The following DNAH2 variants were observed in gnomAD, a reference collection of about 807,000 sequenced individuals.
DNAH2 encodes dynein axonemal heavy chain 2.
A neutral mutation model predicts 523.5 loss-of-function variants in DNAH2; 323 were observed. That is an observed-to-expected ratio of 0.62 (90% confidence interval 0.56 to 0.68). DNAH2 has a LOEUF of 0.68. DNAH2 is among the 30% of genes least tolerant of loss of function. DNAH2 has a pLI of 0.00. For missense variants in DNAH2, 4,907 were observed against 5,701.5 expected (o/e 0.86, Z 4.49); for synonymous variants, 2,093 against 2,177.4 (o/e 0.96, Z 1.08).
In DNAH2 at chr17:7,780,061, G is replaced by A. The variant is rs2076561630; in HGVS notation, c.5723-96G>A. 1.3e-6 allele frequency: 2 copies of A among 1,490,990 alleles called. No individual in the cohort carries two copies. Among genetic ancestry groups the A allele is most frequent in the Non-Finnish European group, 1.8e-6 (2 of 1,098,472 alleles). 92.4% of individuals were successfully genotyped at this position (1,490,990 alleles called of 1,614,324 possible). ...GGAGAGAAAGTTAGGGATGGAGTTAGGGTGGGAGAAAATGAGACTGATTGG... is the reference window on the plus strand; with the variant it reads ...GGAGAGAAAGTTAGGGATGGAGTTAAGGTGGGAGAAAATGAGACTGATTGG... On this transcript the variant is annotated intron_variant, in intron 36 of 85. Transcript: ENST00000572933. This position sits in a 1 kb window ranked among gnomAD's most constrained non-coding sequence, Gnocchi z 4.4.
chr17:7,738,067 C>G lies in DNAH2; in HGVS notation c.1170+809C>G, dbSNP rs1374198769. ...AGGAGGACCTGCAAGGCTGCATTCTCTGTTGTCACGCTTGGAAAGATCACT... is the reference window on the plus strand; with the variant it reads ...AGGAGGACCTGCAAGGCTGCATTCTGTGTTGTCACGCTTGGAAAGATCACT... On this transcript the variant is annotated intron_variant, in intron 8 of 85. Transcript: ENST00000572933. 1.0e-5 allele frequency: 7 copies of G among 703,492 alleles called. 1 individual carries two copies. In the Middle Eastern group the frequency reaches 6.8e-4, roughly 69 times the overall value. The allele number at this position is 703,492 out of a possible 1,614,324, so 43.6% of individuals were successfully genotyped here. A position where few individuals can be genotyped will look rare whatever the true frequency, so the allele number is the denominator to read the frequency against.
chr17:7,819,263 A>G lies in DNAH2; in HGVS notation c.10870A>G (p.Met3624Val). Reference sequence around the variant, plus strand: ...AATCCTGTTCTTCGTGCTCAATGATATGGGCTGCATCGACCCCATGTACCA... The same window carrying G: ...AATCCTGTTCTTCGTGCTCAATGATGTGGGCTGCATCGACCCCATGTACCA... ...ASILFFVLND[M>V]GCIDPMYQFS... Residue 3624 changes from methionine (M) to valine (V), a missense_variant, in exon 72 of 86, where the codon ATG becomes GTG. This residue lies in a region of DNAH2 where 1,851 missense variants were observed against 2,139.4 expected (regional missense o/e 0.87). Transcript: ENST00000572933. 1.2e-6 allele frequency: 2 copies of G among 1,614,162 alleles called. No homozygotes were observed. Among genetic ancestry groups the G allele is most frequent in the Non-Finnish European group, 1.7e-6 (2 of 1,180,036 alleles).
At chr17:7,793,322 G>T (rs2076951308) in intron 48 of DNAH2, 117 bp downstream of exon 48, 1 of 1,070,062 alleles carries the variant, frequency 9.3e-7, no homozygotes, top group Non-Finnish European at 1.3e-6. Flanking sequence ...TCCCACACAG[G>T]AGCGTCCTTC....
Position 7,786,937 on chromosome 17 carries a change from C to T in DNAH2, c.6507C>T (p.Pro2169=), listed in dbSNP as rs142996474. ...AGAAGTGGATCCTGTTCGATGGCCCCGTGGACACACTGTGGATCGAGAACA... is the reference window on the plus strand; with the variant it reads ...AGAAGTGGATCCTGTTCGATGGCCCTGTGGACACACTGTGGATCGAGAACA... ...PDEKWILFDG[P]VDTLWIENMN... is the part of the protein sequence containing the mutation. Residue 2169 remains proline (P), a synonymous_variant, in exon 42 of 86, where the codon CCC becomes CCT. Transcript: ENST00000572933. The surrounding 1 kb of genome is among the most constrained non-coding windows in gnomAD (Gnocchi z 7.5). 41 of 1,614,114 alleles carry T rather than the reference C, an allele frequency of 2.5e-5. No homozygotes were observed. The highest frequency in any genetic ancestry group is 7.7e-5 in the South Asian group (7 of 91,090).
chr17:7,801,634 C>T lies in DNAH2; in HGVS notation c.8756C>T (p.Ser2919Leu). Residue 2919 changes from serine (S) to leucine (L), a missense_variant, in exon 57 of 86, where the codon TCA becomes TTA. This residue lies in a region of DNAH2 where 1,851 missense variants were observed against 2,139.4 expected (regional missense o/e 0.87). Coordinates refer to ENST00000572933, the MANE Select transcript of DNAH2 (RefSeq NM_020877.5). Reference protein sequence around the residue: ...LVNCTTINWFSEWPQEALLEV... With the variant: ...LVNCTTINWFLEWPQEALLEV... Reference sequence around the variant, plus strand: ...AACTGCACAACCATCAACTGGTTCTCAGAGTGGCCCCAAGAGGCCCTGCTC... The same window carrying T: ...AACTGCACAACCATCAACTGGTTCTTAGAGTGGCCCCAAGAGGCCCTGCTC... 6.2e-7 allele frequency: 1 copy of T among 1,614,200 alleles called. No homozygotes were observed. The highest frequency in any genetic ancestry group is 8.5e-7 in the Non-Finnish European group (1 of 1,180,038).
At chr17:7,726,902 CTGTTTGTT>C (rs3833110) in intron 3 of DNAH2, among the ~76,000 whole-genome samples, 5 of 152,084 alleles carry the variant, frequency 3.3e-5, no homozygotes, top group Admixed American at 6.6e-5. Context: ...CCTCTGTGAT[CTGTTTGTT>C]TGTTTGTTTG....
Position 7,770,827 on chromosome 17 carries a change from T to C in DNAH2, c.4256T>C (p.Val1419Ala). ...ALSTMKASRF[V>A]KAFEKDVDHW... ...TCTACCATGAAGGCATCACGCTTTG[T>C]CAAGGCCTTTGAGAAGGATGTGGAC... Residue 1419 changes from valine to alanine, a missense_variant, in exon 27 of 86, where the codon GTC becomes GCC. Physicochemically the swap from Val to Ala is moderately conservative, Grantham distance 64. This residue lies in a region of DNAH2 where 2,806 missense variants were observed against 3,190.8 expected (regional missense o/e 0.88). Transcript: ENST00000572933. 6.2e-7 allele frequency: 1 copy of C among 1,614,190 alleles called. No individual in the cohort carries two copies.
rs2075609120 is a variant in DNAH2 at position 7,749,308 on chromosome 17, C to CAAAGAAAAAAAAA, written c.1904+6169_1904+6170insGAAAAAAAAAAAA. Among the ~76,000 whole-genome samples the CAAAGAAAAAAAAA allele has an allele frequency of 1.1e-4, 2 of 17,766 alleles. 1 individual carries two copies. Among genetic ancestry groups the CAAAGAAAAAAAAA allele is most frequent in the Non-Finnish European group, 1.6e-4 (2 of 12,386 alleles). 11.7% of individuals were successfully genotyped at this position (17,766 alleles called of 152,430 possible). A position where few individuals can be genotyped will look rare whatever the true frequency, so the allele number is the denominator to read the frequency against. ...GGGCAACAAGAGCTAAACTCCCCCC[C>CAAAGAAAAAAAAA]AAAAAAAAAAAAAAAAAAAAAAAAA... On this transcript the variant is annotated intron_variant, in intron 12 of 85. Transcript: ENST00000572933.
chr17:7,719,756 A>C lies in DNAH2; in HGVS notation c.22A>C (p.Lys8Gln), dbSNP rs750535450. The C allele has an allele frequency of 1.2e-6, 2 of 1,614,196 alleles. No individual in the cohort carries two copies. The highest frequency in any genetic ancestry group is 1.7e-5 in the Admixed American group (1 of 60,024). Residue 8 changes from lysine to glutamine, a missense_variant, in exon 2 of 86, where the codon AAG becomes CAG. Lys to Gln is a moderately conservative substitution (Grantham distance 53). Around this residue, in one of 3 missense-constraint regions of DNAH2, gnomAD observed 2,806 missense variants for 3,190.8 expected, o/e 0.88. Coordinates refer to ENST00000572933, the MANE Select transcript of DNAH2 (RefSeq NM_020877.5). ...CACGATGTCCAGCAAAGCTGAGAAG[A>C]AGCAGCGATTGAGTGGCCGAGGAAG... MSSKAEK[K>Q]QRLSGRGSSQ...
intron 56 of DNAH2, among the ~76,000 whole-genome samples, chr17:7,800,881 A>T (rs540875308): frequency 5.3e-4 from 77 of 144,942 alleles, no homozygotes; most frequent in Middle Eastern, 7.1e-3. Flanking sequence ...AAAAAAAAAA[A>T]TTTTTTTTTG....
Position 7,768,215 on chromosome 17 carries a change from A to G in DNAH2, c.3889A>G (p.Lys1297Glu), listed in dbSNP as rs1286849895. ...CACTCGCTCAAAAATAGAGCAGTTCAAGAGGACCATGCCTCTCATCTCAGA... is the reference window on the plus strand; with the variant it reads ...CACTCGCTCAAAAATAGAGCAGTTCGAGAGGACCATGCCTCTCATCTCAGA... ...ETTRSKIEQFKRTMPLISDLR... is the reference protein window; with the variant it reads ...ETTRSKIEQFERTMPLISDLR... The change falls in exon 24 of 86, where the codon AAG becomes GAG. Residue 1297 changes from lysine (K) to glutamate (E), a missense_variant. This residue lies in a region of DNAH2 where 2,806 missense variants were observed against 3,190.8 expected (regional missense o/e 0.88). Coordinates refer to ENST00000572933, the MANE Select transcript of DNAH2 (RefSeq NM_020877.5). The G allele has an allele frequency of 3.1e-6, 5 of 1,614,048 alleles. No homozygotes were observed. In the Admixed American group the frequency reaches 5.0e-5, roughly 16 times the overall value.
rs1178398556 is a variant in DNAH2 at position 7,741,289 on chromosome 17, TCTTTCTTCCTTC to T, written c.1689+301_1689+312del. On this transcript the variant is annotated intron_variant, in intron 11 of 85. Coordinates refer to ENST00000572933, the MANE Select transcript of DNAH2 (RefSeq NM_020877.5). ...TTCTTTCTTTCTTTCTTTCTTTCTTTCTTTCTTCCTTCCTTCCCTCCCTCCCTCCCTCCCTCC... is the reference window on the plus strand; with the variant it reads ...TTCTTTCTTTCTTTCTTTCTTTCTTTCTTCCCTCCCTCCCTCCCTCCCTCC... Among the ~76,000 whole-genome samples, 222 of 55,458 alleles carry T rather than the reference TCTTTCTTCCTTC, an allele frequency of 4.0e-3. 1 individual carries two copies. The highest frequency in any genetic ancestry group is 9.6e-3 in the South Asian group (10 of 1,046). The allele number at this position is 55,458 out of a possible 152,430, so 36.4% of individuals were successfully genotyped here. A position where few individuals can be genotyped will look rare whatever the true frequency, so the allele number is the denominator to read the frequency against.
chr17:7,733,067 ATCTGC>A lies in DNAH2; in HGVS notation c.400-18_400-14del, dbSNP rs745857145. The A allele has an allele frequency of 8.7e-6, 14 of 1,612,180 alleles. No homozygotes were observed. In the African/African-American group the frequency reaches 1.7e-4, roughly 20 times the overall value. On this transcript the variant is annotated splice_polypyrimidine_tract_variant and intron_variant, in intron 4 of 85. Transcript: ENST00000572933. ...GGCTGGGCCTGGAGACTGAACTCTG[ATCTGC>A]TGTCTTCCATGCAGACCCAGAACCA...
chr17:7,774,310 C>A (rs1183206479), intron 28 of DNAH2, among the ~76,000 whole-genome samples: 2 of 152,002 alleles, frequency 1.3e-5, no homozygotes, highest in Non-Finnish European at 2.9e-5. Context: ...AGACGCTGGA[C>A]AGAGGGATAA....
intron 12 of DNAH2, among the ~76,000 whole-genome samples, chr17:7,751,923 GTGTGTGTGT>G (rs2075693999): frequency 6.7e-6 from 1 of 149,988 alleles, no homozygotes. Flanking sequence ...GTTGTGGGGT[GTGTGTGTGT>G]GTGTGTGTGT....
intron 50 of DNAH2, 75 bp from the exon 51 acceptor site, chr17:7,797,101 C>CCA: frequency 1.0e-5 from 9 of 876,598 alleles, no homozygotes; most frequent in Non-Finnish European, 1.5e-5. Flanking sequence ...GACTCTGTCC[C>CCA]AAAAAAAAAA....
Position 7,804,968 on chromosome 17 carries a change from C to G in DNAH2, c.9194C>G (p.Ala3065Gly). The part of the protein sequence containing the change: ...EADEQQKAVT[A>G]NSEKIAVEEI... The stretch of plus-strand genomic sequence containing the variant: ...TTTTTTCATCCCTAGGCCGTAACAG[C>G]CAACAGTGAAAAGATTGCAGTTGAG... The change falls in exon 60 of 86, where the codon GCC (alanine) becomes GGC (glycine). Residue 3065 changes from alanine (A) to glycine (G), a missense_variant. By Grantham distance (60) the Ala-to-Gly change is moderately conservative. Coordinates refer to ENST00000572933, the MANE Select transcript of DNAH2 (RefSeq NM_020877.5). 6.2e-7 allele frequency: 1 copy of G among 1,614,086 alleles called. No individual in the cohort carries two copies.
intron 5 of DNAH2, 86 bp from the exon 6 acceptor site, chr17:7,734,097 C>G (rs777961825): frequency 2.2e-5 from 26 of 1,161,238 alleles, no homozygotes; most frequent in African/African-American, 3.1e-5. Flanking sequence ...GCTTCCTGGT[C>G]CCCTACCGAT....
Position 7,804,342 on chromosome 17 carries a change from A to C in DNAH2, c.9059A>C (p.Lys3020Thr), listed in dbSNP as rs1356701043. 27 of 1,614,170 alleles carry C rather than the reference A, an allele frequency of 1.7e-5. No individual in the cohort carries two copies. The highest frequency in any genetic ancestry group is 2.3e-5 in the Non-Finnish European group (27 of 1,180,038). The change falls in exon 59 of 86, where the codon AAG becomes ACG. Residue 3020 changes from lysine (K) to threonine (T), a missense_variant. Physicochemically the swap from Lys to Thr is moderately conservative, Grantham distance 78. Coordinates refer to ENST00000572933, the MANE Select transcript of DNAH2 (RefSeq NM_020877.5). Reference protein sequence around the residue: ...GLFKIDETREKVQVMSLELED... With the variant: ...GLFKIDETRETVQVMSLELED... ...TTCAAGATCGACGAAACTAGGGAAA[A>C]GGTGCAAGTGATGTCGTTGGAGCTG...
Sources: allele counts gnomAD v4.1 joint callset (sites outside exome capture counted in the v4.1 genomes callset), GRCh38; gene constraint gnomAD v4.1.1; regional missense constraint gnomAD v4.1.1; non-coding constraint Gnocchi (gnomAD v3.1); transcripts MANE v1.5; gene names NCBI Gene and HGNC (gene_info 2026-07-23, HGNC 2026-07-21).